GSE1: variants seen among roughly 807,000 people sequenced by gnomAD.
The protein encoded by GSE1 is genetic suppressor element 1.
In GSE1, 32 loss-of-function variants were observed where a neutral mutation model predicts 112.6. That is an observed-to-expected ratio of 0.28 (90% confidence interval 0.21 to 0.38). GSE1 has a LOEUF of 0.38. Ranked by LOEUF, GSE1 falls within the 10% of genes least tolerant of loss-of-function variation. GSE1 has a pLI of 1.00. For synonymous variants in GSE1, 1,115 were observed against 735.6 expected (o/e 1.52, Z -8.35); for missense variants, 2,348 against 1,699.2 (o/e 1.38, Z -6.71).
chr16:85,613,874 C>T (rs895319374), intron 1 of GSE1, among the ~76,000 whole-genome samples: 3 of 144,042 alleles, frequency 2.1e-5, no homozygotes, highest in Non-Finnish European at 3.1e-5. Context: ...GGGGGGGGTG[C>T]TCGCTACTGG....
At chr16:85,459,353 C>T (rs1484192421) in intron 2 of GSE1, among the ~76,000 whole-genome samples, 1 of 152,198 alleles carries the variant, frequency 6.6e-6, no homozygotes, top group African/African-American at 2.4e-5. Context: ...CAGACCCATC[C>T]CGTGCCCAGC....
chr16:85,520,491 G>A (rs375724726), intron 2 of GSE1, among the ~76,000 whole-genome samples: 62 of 149,668 alleles, frequency 4.1e-4, no homozygotes, highest in African/African-American at 1.4e-3. Flanking sequence ...GTGTGATCTC[G>A]GCTCACTGCA....
intron 6 of GSE1, 81 bp downstream of exon 6, chr16:85,655,998 C>G: frequency 8.9e-7 from 1 of 1,119,916 alleles, no homozygotes; most frequent in Non-Finnish European, 1.3e-6. Flanking sequence ...GGGCTGGAAC[C>G]TGACTGGACT....
chr16:85,337,312 T>C (rs1202665121), intron 1 of GSE1, among the ~76,000 whole-genome samples: 2 of 148,558 alleles, frequency 1.3e-5, no homozygotes, highest in African/African-American at 4.9e-5. Flanking sequence ...CTTTTCTTTT[T>C]TTTTTTTTTT....
At chr16:85,272,683 A>G (rs1381356532) in intron 1 of GSE1, among the ~76,000 whole-genome samples, 42 of 151,946 alleles carry the variant, frequency 2.8e-4, no homozygotes, top group Admixed American at 2.8e-3. Flanking sequence ...GAGGGGACCC[A>G]CAGGAGAAAA....
At chr16:85,533,725 C>T (rs1258220838) in intron 2 of GSE1, among the ~76,000 whole-genome samples, 2 of 151,910 alleles carry the variant, frequency 1.3e-5, no homozygotes, top group African/African-American at 4.8e-5. Flanking sequence ...ACTATCTGGA[C>T]GTAGTGGCAC....
chr16:85,171,416 C>T, exon 1 of GSE1: 1 of 985,604 alleles, frequency 1.0e-6, no homozygotes, highest in Non-Finnish European at 1.2e-6. Context: ...GTGTACCCGC[C>T]TGCCCCTCGT....
intron 2 of GSE1, among the ~76,000 whole-genome samples, chr16:85,477,802 C>T (rs897803465): frequency 3.9e-5 from 6 of 151,966 alleles, no homozygotes; most frequent in African/African-American, 7.2e-5. Context: ...CCTTGTGATC[C>T]GCCCGCCTCG....
At position 85,453,163 on chromosome 16, in the gene GSE1, G is replaced by A. The variant is rs149289299; in HGVS notation, c.2464+95520G>A. ...TGCCAGGCAGTCCTTTCCAGCTCCC[G>A]TATCGGGGGAAGGTTCTAGATTTAG... On this transcript the variant is annotated intron_variant, in intron 2 of 2. Coordinates refer to the GSE1 transcript ENST00000637419. Among the ~76,000 whole-genome samples the A allele has an allele frequency of 3.2e-4, 48 of 152,312 alleles. No individual in the cohort carries two copies. In the East Asian group the frequency reaches 7.1e-3, roughly 23 times the overall value.
chr16:85,310,552 C>G (rs1403136300), intron 1 of GSE1, among the ~76,000 whole-genome samples: 1 of 150,974 alleles, frequency 6.6e-6, no homozygotes, highest in East Asian at 2.0e-4. Context: ...CTCTCAGATC[C>G]TGTCACCTGC....
In GSE1 at chr16:85,588,858, C is replaced by T. The variant is rs1051010636; in HGVS notation, c.37+32495C>T. The stretch of plus-strand genomic sequence containing the variant: ...GCTGCCTCCCAAAACGGCCCTCGGC[C>T]TCTGTACCTACTGCCCTGGGGGGCA... On this transcript the variant is annotated intron_variant, in intron 1 of 2. Transcript: ENST00000635906. Among the ~76,000 whole-genome samples, 3 of 152,138 alleles carry T rather than the reference C, an allele frequency of 2.0e-5. No homozygotes were observed. In the East Asian group the frequency reaches 5.8e-4, roughly 29 times the overall value.
intron 1 of GSE1, among the ~76,000 whole-genome samples, chr16:85,212,545 G>A (rs535547104): frequency 3.5e-4 from 53 of 152,322 alleles, no homozygotes; most frequent in Non-Finnish European, 6.6e-4. Flanking sequence ...AGGACATGGG[G>A]AAGACAGCGT....
chr16:85,643,449 C>T (rs2050607791), intron 2 of GSE1, among the ~76,000 whole-genome samples: 1 of 152,216 alleles, frequency 6.6e-6, no homozygotes, highest in African/African-American at 2.4e-5. Context: ...CTGCCCTGCC[C>T]CAGAGAAGCT....
At chr16:85,410,433 CT>C (rs1409105517) in intron 2 of GSE1, among the ~76,000 whole-genome samples, 5 of 23,936 alleles carry the variant, frequency 2.1e-4, no homozygotes, top group South Asian at 2.1e-3. Flanking sequence ...TCAGGGCCCC[CT>C]GGATAATCCT....
chr16:85,433,447 G>A (rs547322810), intron 2 of GSE1, among the ~76,000 whole-genome samples: 7 of 152,226 alleles, frequency 4.6e-5, no homozygotes, highest in East Asian at 1.9e-4. Context: ...ACCACTGGCC[G>A]TGATCCCTGG....
intron 2 of GSE1, among the ~76,000 whole-genome samples, chr16:85,464,076 G>T (rs2050055712): frequency 6.6e-6 from 1 of 152,122 alleles, no homozygotes; most frequent in Non-Finnish European, 1.5e-5. Context: ...AGCAGCGGGG[G>T]GACGACGCCA....
intron 1 of GSE1, among the ~76,000 whole-genome samples, chr16:85,302,957 G>A (rs983375712): frequency 2.0e-5 from 3 of 152,222 alleles, no homozygotes; most frequent in Admixed American, 1.3e-4. Context: ...GTTTCCCGGA[G>A]CCTCGGCCTC....
intron 1 of GSE1, among the ~76,000 whole-genome samples, chr16:85,190,896 G>C (rs766102216): frequency 6.6e-6 from 1 of 152,220 alleles, no homozygotes; most frequent in Non-Finnish European, 1.5e-5. Context: ...TTCATCTCCA[G>C]GGTGGCCTAG....
chr16:85,624,481 C>T (rs976800374), intron 1 of GSE1, among the ~76,000 whole-genome samples: 5 of 152,126 alleles, frequency 3.3e-5, no homozygotes, highest in Admixed American at 6.5e-5. Context: ...GTCCGTAAAA[C>T]GGGTATAGCA....
Sources: allele counts gnomAD v4.1 joint callset (sites outside exome capture counted in the v4.1 genomes callset), GRCh38; gene constraint gnomAD v4.1.1; transcripts MANE v1.5; gene names NCBI Gene and HGNC (gene_info 2026-07-23, HGNC 2026-07-21).